SLC2A13: variants seen among roughly 807,000 people sequenced by gnomAD.
SLC2A13 encodes the protein solute carrier family 2 member 13, also known as proton myo-inositol cotransporter.
Under a neutral mutation model 64.4 loss-of-function variants are expected in SLC2A13, and 32 were observed. The observed-to-expected ratio is 0.50, with a 90% CI of 0.37 to 0.67. The LOEUF is 0.67. Ranked by LOEUF, SLC2A13 falls within the 30% of genes least tolerant of loss-of-function variation. The probability of loss-of-function intolerance (pLI) is 0.00; values close to 1 mark genes in which losing one functional copy is unlikely to be tolerated. For missense variants in SLC2A13, 743 were observed against 829.2 expected (o/e 0.90, Z 1.28); for synonymous variants, 338 against 327.1 (o/e 1.03, Z -0.36).
At chr12:39,961,165 C>T (rs1161670927) in intron 3 of SLC2A13, among the ~76,000 whole-genome samples, 1 of 151,982 alleles carries the variant, frequency 6.6e-6, no homozygotes, top group Non-Finnish European at 1.5e-5. Flanking sequence ...GCAACCTCTG[C>T]CTCTTGGGTT....
chr12:39,792,522 C>T (rs539737275), intron 7 of SLC2A13, among the ~76,000 whole-genome samples: 29 of 152,232 alleles, frequency 1.9e-4, no homozygotes, highest in East Asian at 7.7e-4. Flanking sequence ...AAACATGTGA[C>T]TTGTGACTAC....
chr12:39,900,578 C>T (rs1945066861), intron 4 of SLC2A13, among the ~76,000 whole-genome samples: 1 of 152,106 alleles, frequency 6.6e-6, no homozygotes, highest in African/African-American at 2.4e-5. Flanking sequence ...TGAGTGAACT[C>T]CTATTCACAA....
intron 4 of SLC2A13, among the ~76,000 whole-genome samples, chr12:39,873,244 T>C (rs1944102423): frequency 6.6e-6 from 1 of 152,226 alleles, no homozygotes; most frequent in South Asian, 2.1e-4. Flanking sequence ...ATTTTAAGAC[T>C]GAATTCTGAC....
chr12:39,821,663 C>A (rs1942513851), intron 7 of SLC2A13, among the ~76,000 whole-genome samples: 2 of 152,152 alleles, frequency 1.3e-5, no homozygotes, highest in Admixed American at 6.5e-5. Flanking sequence ...GTGAACTATA[C>A]CGAAGAGGGA....
At chr12:39,760,765 A>G (rs1415689419) in intron 9 of SLC2A13, among the ~76,000 whole-genome samples, 1 of 152,032 alleles carries the variant, frequency 6.6e-6, no homozygotes. Context: ...ATGCATGTCA[A>G]TGCAGAACAG....
chr12:39,876,934 T>C (rs7305465), intron 4 of SLC2A13, among the ~76,000 whole-genome samples: 2,514 of 152,310 alleles, frequency 0.017, 78 homozygotes, highest in African/African-American at 0.055. Context: ...GTTTATTGAC[T>C]GTAAGACCTT....
intron 1 of SLC2A13, among the ~76,000 whole-genome samples, chr12:40,077,365 T>C (rs1938216061): frequency 6.6e-6 from 1 of 152,076 alleles, no homozygotes; most frequent in Non-Finnish European, 1.5e-5. Context: ...CAAACTTTTG[T>C]ATATGGCTAA....
intron 7 of SLC2A13, among the ~76,000 whole-genome samples, chr12:39,802,690 T>A (rs1941833883): frequency 1.3e-5 from 2 of 152,140 alleles, no homozygotes; most frequent in South Asian, 4.1e-4. Flanking sequence ...TGTCTATGTA[T>A]ACACACATAG....
At chr12:39,784,909 T>C (rs1317016281) in intron 7 of SLC2A13, among the ~76,000 whole-genome samples, 1 of 152,176 alleles carries the variant, frequency 6.6e-6, no homozygotes, top group Non-Finnish European at 1.5e-5. Context: ...TGATTTAGGG[T>C]ATCTGGTGGA....
chr12:39,869,087 C>T (rs748220629), intron 5 of SLC2A13, among the ~76,000 whole-genome samples: 3 of 151,938 alleles, frequency 2.0e-5, no homozygotes, highest in African/African-American at 4.8e-5. Context: ...AACATAGAAC[C>T]GTATGTTAGT....
At chr12:39,826,411 T>C (rs1427962997) in intron 7 of SLC2A13, among the ~76,000 whole-genome samples, 1 of 151,756 alleles carries the variant, frequency 6.6e-6, no homozygotes, top group East Asian at 1.9e-4. Flanking sequence ...AATTGGTTTA[T>C]TTTTTATTGT....
intron 3 of SLC2A13, among the ~76,000 whole-genome samples, chr12:39,987,522 A>G (rs185914572): frequency 3.9e-5 from 6 of 152,286 alleles, no homozygotes; most frequent in African/African-American, 1.4e-4. Context: ...AGTCCTTCTC[A>G]ATTAATAGCT....
At chr12:40,048,280 A>G in intron 1 of SLC2A13, 70 bp from the exon 2 acceptor site, 2 of 1,452,790 alleles carry the variant, frequency 1.4e-6, no homozygotes, top group Non-Finnish European at 1.9e-6. Context: ...TACTAATGCT[A>G]GATTTAGGCA....
rs1466868791 is a variant in SLC2A13, at chr12:40,028,284, G to A, written c.925+17C>T. 6.3e-7 allele frequency: 1 copy of A among 1,595,398 alleles called. No individual in the cohort carries two copies. Among genetic ancestry groups the A allele is most frequent in the East Asian group, 2.2e-5 (1 of 44,756 alleles). On this transcript the variant is annotated intron_variant, in intron 3 of 9. Coordinates refer to ENST00000280871, the MANE Select transcript of SLC2A13 (RefSeq NM_052885.4). ...CTGTATAGTTTTTAAATTCATATAA[G>A]TATAAAGTCTATATACCTGAGCCAA... is the stretch of plus-strand genomic sequence containing the variant.
At chr12:39,796,589 G>A (rs1257242692) in intron 7 of SLC2A13, among the ~76,000 whole-genome samples, 20 of 152,006 alleles carry the variant, frequency 1.3e-4, no homozygotes, top group Admixed American at 1.1e-3. Flanking sequence ...TAGTGAGCTG[G>A]CAGAAGCTAG....
intron 1 of SLC2A13, among the ~76,000 whole-genome samples, chr12:40,075,737 A>G (rs1938146244): frequency 6.6e-6 from 1 of 152,178 alleles, no homozygotes; most frequent in African/African-American, 2.4e-5. Flanking sequence ...CACAAATGTT[A>G]GAAATCCAAA....
chr12:40,094,632 G>C (rs564234787), intron 1 of SLC2A13, among the ~76,000 whole-genome samples: 30 of 152,326 alleles, frequency 2.0e-4, no homozygotes, highest in African/African-American at 6.7e-4. Context: ...GTAAGGATGA[G>C]AGCCTGTCTG....
At chr12:39,959,427 G>A (rs1366398586) in intron 3 of SLC2A13, among the ~76,000 whole-genome samples, 1 of 152,168 alleles carries the variant, frequency 6.6e-6, no homozygotes, top group African/African-American at 2.4e-5. Flanking sequence ...AGCTGATCAT[G>A]GTACATTAGG....
At chr12:40,025,557 T>C (rs1419670548) in intron 3 of SLC2A13, among the ~76,000 whole-genome samples, 3 of 152,222 alleles carry the variant, frequency 2.0e-5, no homozygotes, top group African/African-American at 4.8e-5. Context: ...GTAAGCTCAA[T>C]GCGAACAGGT....
Sources: gnomAD v4.1 joint callset for allele counts (sites outside exome capture counted in the v4.1 genomes callset) on GRCh38, gnomAD v4.1.1 for gene constraint, MANE v1.5 for transcripts, NCBI Gene and HGNC (gene_info 2026-07-23, HGNC 2026-07-21) for gene names.